KCNQ5: variants seen among roughly 807,000 people sequenced by gnomAD.
KCNQ5 encodes potassium voltage-gated channel subfamily KQT member 5.
In KCNQ5, 30 loss-of-function variants were observed where a neutral mutation model predicts 98.2. That is an observed-to-expected ratio of 0.31 (90% CI 0.23 to 0.41). KCNQ5 has a LOEUF of 0.41. KCNQ5 is among the 10% of genes least tolerant of loss of function. KCNQ5 has a pLI of 1.00. For missense variants in KCNQ5, 835 were observed against 1,182.5 expected (o/e 0.71, Z 4.31); for synonymous variants, 458 against 449.4 (o/e 1.02, Z -0.24).
chr6:73,157,475 A>G, intron 10 of KCNQ5: 1 of 696,950 alleles, frequency 1.4e-6, no homozygotes, highest in Non-Finnish European at 2.7e-6. Context: ...CGGCACCACC[A>G]CAGATTCCCA....
chr6:72,979,526 G>C (rs1449636770), intron 1 of KCNQ5, among the ~76,000 whole-genome samples: 4 of 151,936 alleles, frequency 2.6e-5, no homozygotes, highest in African/African-American at 4.8e-5. Context: ...GGGGTTGTTT[G>C]ATTTTTTTCT....
At chr6:73,156,550 G>C (rs991066858) in intron 10 of KCNQ5, among the ~76,000 whole-genome samples, 27 of 150,324 alleles carry the variant, frequency 1.8e-4, no homozygotes, top group African/African-American at 6.6e-4. Context: ...GCTTGAACCC[G>C]GGAGGCAGAG....
intron 1 of KCNQ5, among the ~76,000 whole-genome samples, chr6:72,625,105 G>A (rs2098917405): frequency 6.6e-6 from 1 of 152,140 alleles, no homozygotes; most frequent in Admixed American, 6.5e-5. Context: ...TACTTCAGGG[G>A]TGAATTTACT....
At chr6:73,101,032 C>A (rs1774751997) in intron 5 of KCNQ5, among the ~76,000 whole-genome samples, 1 of 152,126 alleles carries the variant, frequency 6.6e-6, no homozygotes, top group Non-Finnish European at 1.5e-5. Flanking sequence ...AACCTGATGG[C>A]TTTACTGTTG....
At chr6:73,039,360 C>T (rs1027280819) in intron 2 of KCNQ5, among the ~76,000 whole-genome samples, 1 of 151,976 alleles carries the variant, frequency 6.6e-6, no homozygotes, top group African/African-American at 2.4e-5. Context: ...CTATCTGCTT[C>T]CTTTGGGTTT....
chr6:72,764,347 C>A (rs536372572), intron 1 of KCNQ5, among the ~76,000 whole-genome samples: 11 of 152,130 alleles, frequency 7.2e-5, no homozygotes, highest in Non-Finnish European at 1.6e-4. Context: ...AGAATATAAA[C>A]TATTTGGTGT....
At chr6:73,063,839 T>C (rs2150378591) in intron 3 of KCNQ5, among the ~76,000 whole-genome samples, 1 of 152,302 alleles carries the variant, frequency 6.6e-6, no homozygotes, top group East Asian at 1.9e-4. Context: ...TCTTGGCTTA[T>C]ATTTACTCAA....
intron 1 of KCNQ5, among the ~76,000 whole-genome samples, chr6:72,899,083 G>C (rs1288977908): frequency 1.3e-5 from 2 of 152,036 alleles, no homozygotes; most frequent in African/African-American, 4.8e-5. Context: ...TTAGACCTTT[G>C]TCAGATGGGT....
chr6:72,957,911 C>T (rs986429684), intron 1 of KCNQ5, among the ~76,000 whole-genome samples: 7 of 152,062 alleles, frequency 4.6e-5, no homozygotes. Context: ...CTATAAATCA[C>T]TCTTAAATGT....
At chr6:73,149,385 G>A (rs1777052534) in intron 10 of KCNQ5, among the ~76,000 whole-genome samples, 1 of 152,164 alleles carries the variant, frequency 6.6e-6, no homozygotes, top group Non-Finnish European at 1.5e-5. Flanking sequence ...AACACAAAAT[G>A]AATCACAGAT....
intron 2 of KCNQ5, among the ~76,000 whole-genome samples, chr6:73,010,039 A>G (rs1023074581): frequency 1.3e-5 from 2 of 152,146 alleles, no homozygotes; most frequent in African/African-American, 4.8e-5. Flanking sequence ...CATTACTTTG[A>G]TGCCAAAGAC....
intron 11 of KCNQ5, among the ~76,000 whole-genome samples, chr6:73,177,366 A>C (rs1582492394): frequency 1.3e-5 from 2 of 152,246 alleles, no homozygotes; most frequent in East Asian, 3.8e-4. Context: ...CTGATCAGTG[A>C]ACTGAAGAAC....
chr6:73,093,091 A>G (rs990836130), intron 5 of KCNQ5, among the ~76,000 whole-genome samples: 2 of 152,032 alleles, frequency 1.3e-5, no homozygotes, highest in African/African-American at 4.8e-5. Flanking sequence ...ATTACTTGTT[A>G]TTGGTCATTC....
chr6:72,990,229 TCTGTAAATTA>T (rs1412381421), intron 1 of KCNQ5, among the ~76,000 whole-genome samples: 1 of 83,828 alleles, frequency 1.2e-5, no homozygotes, highest in Non-Finnish European at 2.3e-5. Context: ...TGGCATTGAA[TCTGTAAATTA>T]CCTTGGGCAG....
At chr6:73,097,425 A>G (rs922615438) in intron 5 of KCNQ5, among the ~76,000 whole-genome samples, 2 of 152,166 alleles carry the variant, frequency 1.3e-5, no homozygotes, top group African/African-American at 4.8e-5. Flanking sequence ...CAAATTAGGT[A>G]CAGAAGGAAT....
At chr6:72,943,405 A>T (rs1766397839) in intron 1 of KCNQ5, among the ~76,000 whole-genome samples, 1 of 152,194 alleles carries the variant, frequency 6.6e-6, no homozygotes, top group Non-Finnish European at 1.5e-5. Flanking sequence ...TACAGAAAAT[A>T]GCAATCATTC....
At chr6:72,921,101 C>G (rs1040987568) in intron 1 of KCNQ5, among the ~76,000 whole-genome samples, 1 of 152,060 alleles carries the variant, frequency 6.6e-6, no homozygotes, top group Non-Finnish European at 1.5e-5. Context: ...AGGAGACAGA[C>G]TAAAATAAGA....
intron 1 of KCNQ5, among the ~76,000 whole-genome samples, chr6:72,913,470 T>G (rs1780022017): frequency 6.6e-6 from 1 of 152,142 alleles, no homozygotes; most frequent in Non-Finnish European, 1.5e-5. Context: ...GAGTCCTGGG[T>G]CCACTCTTAA....
At position 72,658,745 on chromosome 6, in the gene KCNQ5, A is replaced by T. The variant is rs1766349168; in HGVS notation, c.398+36158A>T. ...ATAGGCATGTGCCACCATGCCCGGT[A>T]ACTTTTGTATTTTTCGTAGAGACGG... On this transcript the variant is annotated intron_variant, in intron 1 of 13. Coordinates refer to ENST00000370398, the MANE Select transcript of KCNQ5 (RefSeq NM_019842.4). 6.0e-5 allele frequency among the ~76,000 whole-genome samples: 9 copies of T among 151,116 alleles called. 1 individual carries two copies. In the South Asian group the frequency reaches 1.9e-3, roughly 32 times the overall value.
Sources: allele counts gnomAD v4.1 joint callset (sites outside exome capture counted in the v4.1 genomes callset), GRCh38; gene constraint gnomAD v4.1.1; transcripts MANE v1.5; gene names NCBI Gene and HGNC (gene_info 2026-07-23, HGNC 2026-07-21).